The following CREBRF variants were observed in gnomAD, a reference collection of about 807,000 sequenced individuals.
CREBRF encodes the protein CREB3 regulatory factor.
CREBRF carries 5 observed loss-of-function variants against 66.1 expected under a neutral mutation model. The ratio of observed to expected loss-of-function variants is 0.08; its 90% CI spans 0.04 to 0.16. CREBRF has a LOEUF of 0.16. CREBRF is among the 10% of genes least tolerant of loss of function. The pLI is 1.00. For synonymous variants in CREBRF, 229 were observed against 264.4 expected, an observed-to-expected ratio of 0.87 and a Z score of 1.30; for missense variants, 531 against 744.9, an observed-to-expected ratio of 0.71 and a Z score of 3.34.
intron 1 of CREBRF, among the ~76,000 whole-genome samples, chr5:173,066,045 C>T (rs868559414): frequency 1.2e-4 from 18 of 152,032 alleles, no homozygotes; most frequent in African/African-American, 3.6e-4. Flanking sequence ...CTCAAACTCC[C>T]GGTGTCAAAC....
chr5:173,089,143 C>G, intron 3 of CREBRF, among the ~76,000 whole-genome samples: 1 of 147,160 alleles, frequency 6.8e-6, no homozygotes, highest in African/African-American at 2.5e-5. Context: ...CGCCACTGCA[C>G]TCCAGTCTGG....
intron 7 of CREBRF, among the ~76,000 whole-genome samples, chr5:173,119,483 T>A (rs566286253): frequency 5.7e-4 from 87 of 152,334 alleles, no homozygotes; most frequent in African/African-American, 2.1e-3. Flanking sequence ...TTCTTTGGTA[T>A]TAATATATAA....
At chr5:173,127,647 A>G (rs1021931993) in intron 8 of CREBRF, among the ~76,000 whole-genome samples, 29 of 151,624 alleles carry the variant, frequency 1.9e-4, no homozygotes, top group Non-Finnish European at 1.5e-5. Context: ...TTTAGTAGAG[A>G]TGGGGTTTCA....
intron 4 of CREBRF, among the ~76,000 whole-genome samples, chr5:173,102,936 T>A (rs1399810125): frequency 6.6e-6 from 1 of 152,182 alleles, no homozygotes; most frequent in Non-Finnish European, 1.5e-5. Context: ...TCATCCTTGA[T>A]CTCTTGACTT....
chr5:173,064,325 T>G (rs1420637187), intron 1 of CREBRF, among the ~76,000 whole-genome samples: 2 of 152,172 alleles, frequency 1.3e-5, no homozygotes, highest in Non-Finnish European at 2.9e-5. Context: ...TAGAATTCCT[T>G]AAAACAGCAA....
intron 2 of CREBRF, among the ~76,000 whole-genome samples, chr5:173,084,265 AAAAC>A (rs1273003382): frequency 1.3e-5 from 2 of 152,200 alleles, no homozygotes. Context: ...ATGAATTAAA[AAAAC>A]AAGACTGAAA....
chr5:173,085,861 G>A (rs534596164), intron 2 of CREBRF: 12 of 797,548 alleles, frequency 1.5e-5, no homozygotes, highest in Non-Finnish European at 2.8e-5. Flanking sequence ...TAGTAGAGGG[G>A]TCATCTCTGA....
At chr5:173,064,390 G>T (rs1324573049) in intron 1 of CREBRF, among the ~76,000 whole-genome samples, 3 of 151,842 alleles carry the variant, frequency 2.0e-5, no homozygotes, top group Non-Finnish European at 4.4e-5. Context: ...TGCAGTTTTT[G>T]TTGTTGTTGT....
intron 4 of CREBRF, among the ~76,000 whole-genome samples, chr5:173,096,727 G>C (rs1029549184): frequency 1.3e-4 from 19 of 151,668 alleles, no homozygotes; most frequent in African/African-American, 4.6e-4. Flanking sequence ...ATTATGTTGA[G>C]GTACGTTCCT....
intron 1 of CREBRF, among the ~76,000 whole-genome samples, chr5:173,076,978 C>T (rs1287046085): frequency 6.6e-6 from 1 of 151,122 alleles, no homozygotes; most frequent in Non-Finnish European, 1.5e-5. Flanking sequence ...GTGTCTCACT[C>T]TGTAGCCCAG....
intron 4 of CREBRF, among the ~76,000 whole-genome samples, chr5:173,105,081 C>T (rs142913599): frequency 5.8e-4 from 88 of 152,196 alleles, no homozygotes; most frequent in Non-Finnish European, 4.4e-5. Flanking sequence ...CATTTTAGTT[C>T]GTATAAATGG....
At chr5:173,056,861 C>T (rs896635754) in intron 1 of CREBRF, among the ~76,000 whole-genome samples, 1 of 151,322 alleles carries the variant, frequency 6.6e-6, no homozygotes, top group Non-Finnish European at 1.5e-5. Flanking sequence ...CGGCAGTCGG[C>T]CTGTCAGAGA....
chr5:173,085,758 ACT>A, intron 2 of CREBRF: 1 of 772,804 alleles, frequency 1.3e-6, no homozygotes, highest in Non-Finnish European at 2.4e-6. Flanking sequence ...AGTGTAGAAC[ACT>A]CCACATACCT....
intron 1 of CREBRF, among the ~76,000 whole-genome samples, chr5:173,058,040 T>TC (rs1360105112): frequency 1.3e-5 from 2 of 151,372 alleles, no homozygotes; most frequent in African/African-American, 4.8e-5. Context: ...GGAATTTCTT[T>TC]TTTTTTTTTT....
chr5:173,118,010 A>T (rs1261364388), intron 7 of CREBRF, among the ~76,000 whole-genome samples: 2 of 151,958 alleles, frequency 1.3e-5, no homozygotes, highest in African/African-American at 4.8e-5. Context: ...AGTAGCTGGG[A>T]CTACAGGAGT....
intron 1 of CREBRF, among the ~76,000 whole-genome samples, chr5:173,059,150 A>G (rs1032765356): frequency 2.6e-5 from 4 of 151,924 alleles, no homozygotes; most frequent in African/African-American, 9.7e-5. Context: ...TTCTGTTAAT[A>G]ATGATACATA....
chr5:173,058,962 A>G (rs1757172791), intron 1 of CREBRF, among the ~76,000 whole-genome samples: 1 of 148,334 alleles, frequency 6.7e-6, no homozygotes, highest in African/African-American at 2.5e-5. Flanking sequence ...TGCCTGGCTA[A>G]TTTTTTGTGT....
intron 1 of CREBRF, among the ~76,000 whole-genome samples, chr5:173,065,669 T>TTC (rs375574607): frequency 2.5e-4 from 25 of 98,190 alleles, no homozygotes; most frequent in South Asian, 2.3e-3. Flanking sequence ...CTTCTTCTTC[T>TTC]TTTTTTTTTT....
chr5:173,128,114 A>C (rs1223423615), intron 8 of CREBRF, among the ~76,000 whole-genome samples: 1 of 151,690 alleles, frequency 6.6e-6, no homozygotes, highest in Non-Finnish European at 1.5e-5. Flanking sequence ...CAGCCTTTGA[A>C]TTTTCTTCTT....
Sources: allele counts gnomAD v4.1 joint callset (sites outside exome capture counted in the v4.1 genomes callset), GRCh38; gene constraint gnomAD v4.1.1; transcripts MANE v1.5; gene names NCBI Gene and HGNC (gene_info 2026-07-23, HGNC 2026-07-21).